BRAT1: variants seen among roughly 807,000 people sequenced by gnomAD.
BRAT1 encodes BRCA1 associated ATM activator 1, also known as integrator complex assembly factor BRAT1.
Under a neutral mutation model 70.6 loss-of-function variants are expected in BRAT1, and 74 were observed. The ratio of observed to expected loss-of-function variants is 1.05; its 90% CI spans 0.87 to 1.27. The LOEUF is 1.27. Ranked by LOEUF, BRAT1 falls within the 50% of genes most tolerant of loss-of-function variation. The pLI is 0.00. For synonymous variants in BRAT1, 615 were observed against 517.1 expected (o/e 1.19, Z -2.57); for missense variants, 1,203 against 1,098.2 (o/e 1.10, Z -1.35).
At chr7:2,545,932 T>TG (rs1779575373) in intron 3 of BRAT1, among the ~76,000 whole-genome samples, 1 of 152,158 alleles carries the variant, frequency 6.6e-6, no homozygotes, top group African/African-American at 2.4e-5. Flanking sequence ...GCTGCTTAAC[T>TG]GGGGGGCATC....
At chr7:2,540,152 G>A in intron 10 of BRAT1, 1 of 429,878 alleles carries the variant, frequency 2.3e-6, no homozygotes, top group Non-Finnish European at 4.1e-6. Flanking sequence ...ATGAGTAGCT[G>A]GGGCTAGAGG....
chr7:2,540,978 C>A lies in BRAT1; in HGVS notation c.1395+1G>T. On this transcript the variant is annotated splice_donor_variant, in intron 10 of 13. Coordinates refer to ENST00000340611, the MANE Select transcript of BRAT1 (RefSeq NM_152743.4). LOFTEE classifies it high-confidence loss of function. Reference sequence around the variant, plus strand: ...CTCGCTCTCTATCCCCACCACCGTACCGTGGGGCTGGAGCCGGGGCTCTCG... The same window carrying A: ...CTCGCTCTCTATCCCCACCACCGTAACGTGGGGCTGGAGCCGGGGCTCTCG... The A allele has an allele frequency of 6.5e-7, 1 of 1,548,090 alleles. No homozygotes were observed. The highest frequency in any genetic ancestry group is 2.4e-5 in the East Asian group (1 of 41,770).
intron 2 of BRAT1, among the ~76,000 whole-genome samples, chr7:2,553,815 T>G (rs1780213359): frequency 7.4e-6 from 1 of 135,948 alleles, no homozygotes; most frequent in African/African-American, 2.8e-5. Context: ...CTAATTTTTG[T>G]TTTTTTTTTT....
At chr7:2,549,456 C>G (rs1421336176) in intron 2 of BRAT1, among the ~76,000 whole-genome samples, 1 of 151,224 alleles carries the variant, frequency 6.6e-6, no homozygotes, top group Non-Finnish European at 1.5e-5. Context: ...GACAACAGCA[C>G]AAGAACTTGT....
Position 2,543,639 on chromosome 7 carries a change from G to C in BRAT1, c.754C>G (p.Pro252Ala). Residue 252 changes from proline (P) to alanine (A), a missense_variant, in exon 5 of 14, where the codon CCC (proline) becomes GCC (alanine). Pro to Ala is a conservative substitution (Grantham distance 27, BLOSUM62 -1). Transcript: ENST00000340611. The surrounding 1 kb of genome is among the most constrained non-coding windows in gnomAD (Gnocchi z 5.5). ...ACGAACGAGTGTGCGGCGGGGATGG[G>C]GTCTCTCTCCAGCAGACAGGCCACG... ...PRVACLLERD[P>A]IPAAHSFVDL... The C allele has an allele frequency of 6.5e-7, 1 of 1,542,052 alleles. No individual in the cohort carries two copies. Among genetic ancestry groups the C allele is most frequent in the Non-Finnish European group, 8.8e-7 (1 of 1,139,048 alleles).
intron 2 of BRAT1, among the ~76,000 whole-genome samples, chr7:2,549,670 TAAAAGA>T (rs912525784): frequency 6.6e-6 from 1 of 152,130 alleles, no homozygotes; most frequent in Non-Finnish European, 1.5e-5. Context: ...ACTTATCTGT[TAAAAGA>T]AAGAGTTGCT....
rs1778902712 is a variant in BRAT1, at chr7:2,538,784, T to C, written c.1771-20A>G. The C allele has an allele frequency of 6.3e-7, 1 of 1,597,604 alleles. No individual in the cohort carries two copies. The highest frequency in any genetic ancestry group is 1.3e-5 in the African/African-American group (1 of 74,998). On this transcript the variant is annotated intron_variant, in intron 13 of 13. Transcript: ENST00000340611. ...CAGGCTCTGGGGGACAGGGAGCAAG[T>C]GCGGATGGTTGGTGGGGTGGCAGGA...
chr7:2,549,277 G>A (rs947909375), intron 2 of BRAT1, among the ~76,000 whole-genome samples: 6 of 152,056 alleles, frequency 3.9e-5, no homozygotes, highest in Admixed American at 2.0e-4. Flanking sequence ...CTGAGCCCAG[G>A]AGTTTTAAGA....
chr7:2,541,171 T>A, intron 9 of BRAT1, 119 bp from the exon 10 acceptor site: 2 of 763,734 alleles, frequency 2.6e-6, no homozygotes, highest in Non-Finnish European at 3.8e-6. Flanking sequence ...GCACGGCCCC[T>A]GCACCCCTCA....
rs1179786549 is a variant in BRAT1 at position 2,543,189 on chromosome 7, C to T, written c.923+15G>A. On this transcript the variant is annotated intron_variant, in intron 6 of 13. Coordinates refer to ENST00000340611, the MANE Select transcript of BRAT1 (RefSeq NM_152743.4). This position sits in a 1 kb window ranked among gnomAD's most constrained non-coding sequence, Gnocchi z 5.5. ...CCAGCACCCGCCTCGGAATGAAATG[C>T]ACCCCAGACCATACCAGTGCTCGAG... 6.5e-7 allele frequency: 1 copy of T among 1,549,032 alleles called. No individual in the cohort carries two copies. The highest frequency in any genetic ancestry group is 8.7e-7 in the Non-Finnish European group (1 of 1,147,578).
At chr7:2,555,065 G>A (rs1460103526) in intron 1 of BRAT1, among the ~76,000 whole-genome samples, 1 of 150,032 alleles carries the variant, frequency 6.7e-6, no homozygotes, top group Non-Finnish European at 1.5e-5. Context: ...GTCCCTCCCA[G>A]GATTAGTGGT....
At chr7:2,546,324 C>T (rs1460044814) in intron 3 of BRAT1, among the ~76,000 whole-genome samples, 1 of 152,076 alleles carries the variant, frequency 6.6e-6, no homozygotes, top group East Asian at 1.9e-4. Context: ...CCTGTGGACC[C>T]AGCTACTCGG....
Position 2,539,699 on chromosome 7 carries a change from AGAGCCAGCT to A in BRAT1, c.1499-66_1499-58del. ...TTGGGGCCAGGCTCACCCTGCCCTC[AGAGCCAGCT>A]GAGCCATTCCACCCAGCCCCTGCTG... On this transcript the variant is annotated intron_variant, in intron 11 of 13. Transcript: ENST00000340611. 13 of 1,552,776 alleles carry A rather than the reference AGAGCCAGCT, an allele frequency of 8.4e-6. No individual in the cohort carries two copies. The South Asian group carries it at 1.5e-4, about 18-fold the overall frequency.
At chr7:2,547,264 C>T (rs573491832) in intron 3 of BRAT1, 60 bp downstream of exon 3, 38 of 1,587,150 alleles carry the variant, frequency 2.4e-5, no homozygotes, top group South Asian at 2.1e-4. Flanking sequence ...CACCTGGCTG[C>T]GGGAGGAAAA....
intron 3 of BRAT1, 68 bp downstream of exon 3, chr7:2,547,256 C>A (rs1323745927): frequency 4.0e-5 from 63 of 1,578,896 alleles, no homozygotes; most frequent in Non-Finnish European, 5.1e-5. Context: ...AAATGCCCCA[C>A]CTGGCTGCGG....
chr7:2,544,179 C>A, intron 4 of BRAT1: 2 of 398,636 alleles, frequency 5.0e-6, no homozygotes, highest in East Asian at 7.5e-5. Flanking sequence ...TGTGATGCTT[C>A]CCAATTCGTT....
At chr7:2,554,120 G>C (rs1172837655) in intron 2 of BRAT1, among the ~76,000 whole-genome samples, 185 bp downstream of exon 2, 1 of 152,106 alleles carries the variant, frequency 6.6e-6, no homozygotes, top group Admixed American at 6.5e-5. Flanking sequence ...TCATTCTCTC[G>C]GGCTTCATCT....
chr7:2,555,465 C>T (rs973991695), intron 1 of BRAT1, 22 bp downstream of exon 1: 1 of 152,280 alleles, frequency 6.6e-6, no homozygotes, highest in East Asian at 1.9e-4. Flanking sequence ...GACCTCGACC[C>T]CCGAAGGCCC....
At position 2,538,689 on chromosome 7, in the gene BRAT1, A is replaced by G. The variant is rs749767596; in HGVS notation, c.1846T>C (p.Phe616Leu). The change falls in exon 14 of 14, where the codon TTC becomes CTC. Residue 616 changes from phenylalanine (F) to leucine (L), a missense_variant. Coordinates refer to ENST00000340611, the MANE Select transcript of BRAT1 (RefSeq NM_152743.4). Reference sequence around the variant, plus strand: ...TGGCCGTCCCGCAGCCACTCAGTGAAGACTTGCATGACCGCCCGCCGTGGG... The same window carrying G: ...TGGCCGTCCCGCAGCCACTCAGTGAGGACTTGCATGACCGCCCGCCGTGGG... ...GFPRRAVMQV[F>L]TEWLRDGHAD... The G allele has an allele frequency of 4.4e-6, 7 of 1,598,386 alleles. No individual in the cohort carries two copies. Among genetic ancestry groups the G allele is most frequent in the Non-Finnish European group, 4.2e-6 (5 of 1,179,818 alleles).
Sources: gnomAD v4.1 joint callset for allele counts (sites outside exome capture counted in the v4.1 genomes callset) on GRCh38, gnomAD v4.1.1 for gene constraint, Gnocchi (gnomAD v3.1) non-coding constraint, MANE v1.5 for transcripts, NCBI Gene and HGNC (gene_info 2026-07-23, HGNC 2026-07-21) for gene names.